The following PRKN variants were observed in gnomAD, a reference collection of about 807,000 sequenced individuals.
The protein encoded by PRKN is parkin RBR E3 ubiquitin protein ligase.
PRKN carries 56 observed loss-of-function variants against 59.5 expected under a neutral mutation model. The observed-to-expected ratio is 0.94, with a 90% CI of 0.76 to 1.18. The LOEUF (loss-of-function observed/expected upper bound fraction) is 1.18, where lower values mean the gene tolerates loss of function less well. PRKN is among the 50% of genes most tolerant of loss of function. The pLI is 0.00. For synonymous variants in PRKN, 250 were observed against 222.1 expected (o/e 1.13, Z -1.12); for missense variants, 657 against 596.4 (o/e 1.10, Z -1.06).
intron 9 of PRKN, among the ~76,000 whole-genome samples, chr6:161,469,624 G>C (rs541952004): frequency 1.2e-4 from 18 of 152,020 alleles, no homozygotes; most frequent in Non-Finnish European, 2.4e-4. Flanking sequence ...AGGTTACTTT[G>C]CTGGTTTTGA....
chr6:161,532,381 T>A (rs7776242), intron 9 of PRKN, among the ~76,000 whole-genome samples: 13,533 of 151,334 alleles, frequency 0.089, 918 homozygotes, highest in African/African-American at 0.19. Context: ...GAAGCAGGAG[T>A]GTGTATATGG....
rs887474937 is a variant in PRKN, at chr6:161,484,925, C to T, written c.1083+63929G>A. ...CCTCAAAGGTGTCTGCTCCTAACCA[C>T]CTGCCTTTGCTGCCGCCGGCTTCCC... On this transcript the variant is annotated intron_variant, in intron 9 of 11. Coordinates refer to ENST00000366898, the MANE Select transcript of PRKN (RefSeq NM_004562.3). The surrounding 1 kb of genome is among the most constrained non-coding windows in gnomAD (Gnocchi z 4.9). Among the ~76,000 whole-genome samples the T allele has an allele frequency of 6.6e-6, 1 of 152,126 alleles. No homozygotes were observed. Among genetic ancestry groups the T allele is most frequent in the African/African-American group, 2.4e-5 (1 of 41,396 alleles).
intron 7 of PRKN, among the ~76,000 whole-genome samples, chr6:161,768,305 T>C (rs541130017): frequency 6.6e-6 from 1 of 152,344 alleles, no homozygotes; most frequent in Non-Finnish European, 1.5e-5. Flanking sequence ...AGTATTATTT[T>C]GTGAAAGGGT....
intron 5 of PRKN, among the ~76,000 whole-genome samples, chr6:162,036,046 C>T (rs570279137): frequency 1.2e-4 from 19 of 152,210 alleles, no homozygotes; most frequent in East Asian, 2.0e-4. Flanking sequence ...ACAATACGGC[C>T]GGGCGCGGTG....
rs1180954534 is a variant in PRKN, at chr6:162,528,842, G to GAGTAA, written c.8-85374_8-85370dup. ...CAAAACAAAACAAAAACCTAGAAGA[G>GAGTAA]AGTAACAGCACCATACTCAGCTTTC... On this transcript the variant is annotated intron_variant, in intron 1 of 11. Coordinates refer to ENST00000366898, the MANE Select transcript of PRKN (RefSeq NM_004562.3). Among the ~76,000 whole-genome samples the GAGTAA allele has an allele frequency of 2.6e-5, 4 of 151,924 alleles. No homozygotes were observed. In the East Asian group the frequency reaches 5.8e-4, roughly 22 times the overall value.
intron 1 of PRKN, among the ~76,000 whole-genome samples, chr6:162,577,357 T>C (rs949879154): frequency 2.6e-5 from 4 of 151,332 alleles, no homozygotes; most frequent in African/African-American, 9.7e-5. Context: ...CCCAGCACTT[T>C]GGGAGGCCGA....
chr6:161,649,703 T>C (rs918103589), intron 7 of PRKN, among the ~76,000 whole-genome samples: 2 of 152,192 alleles, frequency 1.3e-5, no homozygotes, highest in African/African-American at 4.8e-5. Flanking sequence ...ACCCAAAGTA[T>C]GGCCAACTGT....
intron 7 of PRKN, among the ~76,000 whole-genome samples, chr6:161,677,561 G>C (rs1180921443): frequency 1.3e-5 from 2 of 152,206 alleles, no homozygotes; most frequent in Non-Finnish European, 2.9e-5. Flanking sequence ...GACGGAGCAA[G>C]GGTGCCTTCT....
chr6:161,392,573 G>A (rs539999156), intron 9 of PRKN, among the ~76,000 whole-genome samples: 36 of 148,268 alleles, frequency 2.4e-4, no homozygotes, highest in Admixed American at 2.1e-3. Context: ...TAGCCATATG[G>A]CAAATTCCTC....
chr6:162,206,150 C>T (rs1262843446), intron 3 of PRKN, among the ~76,000 whole-genome samples: 1 of 152,148 alleles, frequency 6.6e-6, no homozygotes, highest in Non-Finnish European at 1.5e-5. Flanking sequence ...ATTTCCTACA[C>T]CAAGGGGATC....
chr6:162,498,350 C>T (rs982016052), intron 1 of PRKN, among the ~76,000 whole-genome samples: 1 of 141,440 alleles, frequency 7.1e-6, no homozygotes, highest in African/African-American at 2.6e-5. Flanking sequence ...ATCTAGTCTA[C>T]GTAACTATCT....
intron 4 of PRKN, among the ~76,000 whole-genome samples, chr6:162,079,987 T>A (rs9458452): frequency 6.6e-6 from 1 of 151,854 alleles, no homozygotes; most frequent in African/African-American, 2.4e-5. Context: ...AAGGTCCAGG[T>A]TGACACATTT....
intron 1 of PRKN, among the ~76,000 whole-genome samples, chr6:162,597,093 T>C (rs1250715842): frequency 6.6e-6 from 1 of 152,226 alleles, no homozygotes; most frequent in Non-Finnish European, 1.5e-5. Context: ...CATTAAAGCA[T>C]GCTTTCTTTT....
chr6:161,785,675 G>T, intron 7 of PRKN, 97 bp downstream of exon 7: 1 of 1,143,448 alleles, frequency 8.7e-7, no homozygotes, highest in Non-Finnish European at 1.3e-6. Flanking sequence ...AAATTCTTCT[G>T]CTAGGGTTTA....
At chr6:161,802,168 G>A (rs908953522) in intron 6 of PRKN, among the ~76,000 whole-genome samples, 2 of 152,092 alleles carry the variant, frequency 1.3e-5, no homozygotes, top group African/African-American at 2.4e-5. Context: ...ACAGCAACCA[G>A]AAGATGCTTT....
chr6:161,570,139 A>T (rs1780821156), intron 7 of PRKN, among the ~76,000 whole-genome samples: 1 of 135,418 alleles, frequency 7.4e-6, no homozygotes, highest in African/African-American at 2.9e-5. Flanking sequence ...AAAAAAAAAA[A>T]AAAAAAAATA....
chr6:162,201,331 G>T, intron 3 of PRKN, 79 bp from the exon 4 acceptor site: 1 of 1,423,152 alleles, frequency 7.0e-7, no homozygotes, highest in South Asian at 1.2e-5. Context: ...AAGCTTGTTA[G>T]AGGCAAATTT....
At chr6:162,437,336 T>C (rs1003510026) in intron 2 of PRKN, among the ~76,000 whole-genome samples, 10 of 152,182 alleles carry the variant, frequency 6.6e-5, no homozygotes, top group Admixed American at 6.5e-4. Context: ...TCTGTGAAAG[T>C]GGACAGATAT....
chr6:162,308,389 CA>C (rs1162803694), intron 2 of PRKN, among the ~76,000 whole-genome samples: 1 of 152,004 alleles, frequency 6.6e-6, no homozygotes, highest in Non-Finnish European at 1.5e-5. Context: ...TCAATGCTTG[CA>C]GGGAAAAAAC....
Sources: allele counts gnomAD v4.1 joint callset (sites outside exome capture counted in the v4.1 genomes callset), GRCh38; gene constraint gnomAD v4.1.1; non-coding constraint Gnocchi (gnomAD v3.1); transcripts MANE v1.5; gene names NCBI Gene and HGNC (gene_info 2026-07-23, HGNC 2026-07-21).